Variants in COL18A1 observed in about 807,000 individuals in gnomAD.
The protein encoded by COL18A1 is collagen alpha-1(XVIII) chain.
In COL18A1, 133 loss-of-function variants were observed where a neutral mutation model predicts 168.0. The ratio of observed to expected loss-of-function variants is 0.79; its 90% CI spans 0.69 to 0.91. The LOEUF is 0.91. Ranked by LOEUF, COL18A1 falls within the 40% of genes least tolerant of loss-of-function variation. COL18A1 has a pLI of 0.00. For synonymous variants in COL18A1, 949 were observed against 809.0 expected (o/e 1.17, Z -2.94); for missense variants, 2,126 against 1,925.4 (o/e 1.10, Z -1.95).
intron 28 of COL18A1, 110 bp from the exon 29 acceptor site, chr21:45,495,248 T>A: frequency 1.1e-6 from 1 of 890,662 alleles, no homozygotes; most frequent in Non-Finnish European, 1.8e-6. Flanking sequence ...CGTGTGAGGC[T>A]GAGCGTGGGC....
At chr21:45,501,778 G>GCA (rs1390963973) in intron 32 of COL18A1, among the ~76,000 whole-genome samples, 4 of 67,854 alleles carry the variant, frequency 5.9e-5, no homozygotes, top group Non-Finnish European at 1.5e-4. Context: ...AGGACCCCCA[G>GCA]GGGCTCCACA....
At chr21:45,488,515 G>T in intron 18 of COL18A1, 71 bp downstream of exon 18, 4 of 1,610,534 alleles carry the variant, frequency 2.5e-6, no homozygotes, top group Non-Finnish European at 2.5e-6. Context: ...GGGGCTGGGG[G>T]AGACAGGGCC....
chr21:45,438,340 T>A lies in COL18A1; in HGVS notation c.107-29902T>A, dbSNP rs202219683. ...GGCACTCTCCTGCACACACACACACTCACACACTCAGACACACAGGCACTC... is the reference window on the plus strand; with the variant it reads ...GGCACTCTCCTGCACACACACACACACACACACTCAGACACACAGGCACTC... On this transcript the variant is annotated intron_variant, in intron 2 of 41. Transcript: ENST00000651438. Among the ~76,000 whole-genome samples the A allele has an allele frequency of 7.2e-3, 108 of 14,914 alleles. 1 individual carries two copies. The highest frequency in any genetic ancestry group is 0.04 in the East Asian group (8 of 202). The allele number at this position is 14,914 out of a possible 152,430, so 9.8% of individuals were successfully genotyped here.
At chr21:45,447,954 G>T (rs911696515) in intron 2 of COL18A1, among the ~76,000 whole-genome samples, 6 of 152,046 alleles carry the variant, frequency 3.9e-5, no homozygotes, top group African/African-American at 1.4e-4. Context: ...CAGCCTCCTC[G>T]GACTGGAAGG....
At chr21:45,494,416 C>T in intron 26 of COL18A1, 129 bp from the exon 27 acceptor site, 1 of 1,367,526 alleles carries the variant, frequency 7.3e-7, no homozygotes, top group Non-Finnish European at 1.0e-6. Context: ...CCACAGCGGC[C>T]CTTAGGGAGG....
In COL18A1 at chr21:45,425,418, C is replaced by G. The variant is rs1038837959; in HGVS notation, c.106+19945C>G. 5.9e-5 allele frequency among the ~76,000 whole-genome samples: 9 copies of G among 152,222 alleles called. No individual in the cohort carries two copies. The highest frequency in any genetic ancestry group is 1.3e-4 in the Non-Finnish European group (9 of 68,042). On this transcript the variant is annotated intron_variant, in intron 2 of 41. Transcript: ENST00000651438. This position sits in a 1 kb window ranked among gnomAD's most constrained non-coding sequence, Gnocchi z 4.1. ...CAGCGGGTCCCTGGGGTCCCTGCAA[C>G]TGTCCCCCAAGAGGTGTGCATGGAG...
rs376269287 is a variant in COL18A1, at chr21:45,494,845, C to A, written c.2380-17C>A. The A allele has an allele frequency of 3.7e-6, 6 of 1,603,744 alleles. No homozygotes were observed. Among genetic ancestry groups the A allele is most frequent in the Non-Finnish European group, 5.1e-6 (6 of 1,175,536 alleles). Reference sequence around the variant, plus strand: ...CCAGGGTCTGCCCCACTAAGCCTGGCCCCCTTCCTCTTGCAGGGTCCATAC... The same window carrying A: ...CCAGGGTCTGCCCCACTAAGCCTGGACCCCTTCCTCTTGCAGGGTCCATAC... On this transcript the variant is annotated splice_polypyrimidine_tract_variant and intron_variant, in intron 27 of 41. Transcript: ENST00000651438.
At chr21:45,468,193 CT>C (rs1468053191) in intron 2 of COL18A1, 48 bp from the exon 3 acceptor site, 1 of 1,607,548 alleles carries the variant, frequency 6.2e-7, no homozygotes, top group South Asian at 1.1e-5. Context: ...TCGGTGGCCC[CT>C]GGTTCCGTCC....
intron 2 of COL18A1, among the ~76,000 whole-genome samples, chr21:45,464,384 CAT>C (rs2035134029): frequency 6.6e-6 from 1 of 152,202 alleles, no homozygotes; most frequent in South Asian, 2.1e-4. Context: ...TCCAGCCACA[CAT>C]GAGAGGGTGG....
chr21:45,508,702 T>C (rs2037398438), intron 38 of COL18A1, among the ~76,000 whole-genome samples: 1 of 152,188 alleles, frequency 6.6e-6, no homozygotes, highest in Non-Finnish European at 1.5e-5. Context: ...CAGCCCAGTC[T>C]GCTCTCACTC....
intron 9 of COL18A1, 47 bp from the exon 10 acceptor site, chr21:45,479,855 C>A (rs1375180430): frequency 1.2e-6 from 2 of 1,611,784 alleles, no homozygotes; most frequent in South Asian, 2.2e-5. Flanking sequence ...TGGGTGCGGC[C>A]CATGGTGGTG....
intron 2 of COL18A1, among the ~76,000 whole-genome samples, chr21:45,426,867 C>T (rs1043060904): frequency 3.9e-5 from 6 of 152,218 alleles, no homozygotes; most frequent in African/African-American, 1.4e-4. Context: ...GGGACTGATG[C>T]TCCCCGCGGT....
chr21:45,505,302 C>G (rs112155290), intron 35 of COL18A1, 24 bp downstream of exon 35: 1 of 1,604,372 alleles, frequency 6.2e-7, no homozygotes, highest in South Asian at 1.1e-5. Flanking sequence ...GAGTGGGCCC[C>G]GGGCAGAGGC....
chr21:45,415,752 C>T (rs1245962569), intron 2 of COL18A1, among the ~76,000 whole-genome samples: 1 of 152,238 alleles, frequency 6.6e-6, no homozygotes, highest in Non-Finnish European at 1.5e-5. Context: ...CAGAAGCACT[C>T]CCGGAAAGTG....
rs3835286 is a variant in COL18A1, at chr21:45,509,608, G to GC, written c.3495+14dup. The GC allele has an allele frequency of 3.7e-5, 52 of 1,413,560 alleles. No individual in the cohort carries two copies. Among genetic ancestry groups the GC allele is most frequent in the East Asian group, 1.5e-4 (6 of 40,296 alleles). The allele number at this position is 1,413,560 out of a possible 1,614,324, so 87.6% of individuals were successfully genotyped here. Reference sequence around the variant, plus strand: ...CCGCGACTTCCAGCCGGTGGTGAGTGCCCCCCCAAAGTGGGCTTGGCTCCA... The same window carrying GC: ...CCGCGACTTCCAGCCGGTGGTGAGTGCCCCCCCCAAAGTGGGCTTGGCTCCA... On this transcript the variant is annotated splice_region_variant and intron_variant, in intron 39 of 41. Transcript: ENST00000651438.
At chr21:45,453,479 C>G (rs1047427582) in intron 2 of COL18A1, among the ~76,000 whole-genome samples, 1 of 152,200 alleles carries the variant, frequency 6.6e-6, no homozygotes, top group African/African-American at 2.4e-5. Flanking sequence ...AGTAGCCACC[C>G]TTGCCAGGTG....
In COL18A1 at chr21:45,511,275, AGGCGGGCG is replaced by A. The variant is rs112646272; in HGVS notation, c.3809+57_3809+64del. The A allele has an allele frequency of 1.1e-4, 118 of 1,068,400 alleles. No homozygotes were observed. In the African/African-American group the frequency reaches 1.4e-3, roughly 12 times the overall value. 66.2% of individuals were successfully genotyped at this position (1,068,400 alleles called of 1,614,324 possible). A position where few individuals can be genotyped will look rare whatever the true frequency, so the allele number is the denominator to read the frequency against. ...CAGCTCTGAGAGCCCCAGCCAGGGA[AGGCGGGCG>A]GGCGGGCTCCTATCTGCAGTTTCCC... On this transcript the variant is annotated intron_variant, in intron 41 of 41. Transcript: ENST00000651438.
chr21:45,478,240 G>C (rs2145926447), intron 8 of COL18A1, 87 bp from the exon 9 acceptor site: 2 of 1,575,104 alleles, frequency 1.3e-6, no homozygotes, highest in Non-Finnish European at 1.7e-6. Context: ...TGGGGACTTG[G>C]AGCGTGGGGT....
intron 41 of COL18A1, among the ~76,000 whole-genome samples, chr21:45,511,810 G>T (rs569176968): frequency 6.6e-6 from 1 of 152,322 alleles, no homozygotes; most frequent in South Asian, 2.1e-4. Context: ...GAGTGCTGTG[G>T]GCAGGGCTGG....
Sources: gnomAD v4.1 joint callset for allele counts (sites outside exome capture counted in the v4.1 genomes callset) on GRCh38, gnomAD v4.1.1 for gene constraint, Gnocchi (gnomAD v3.1) non-coding constraint, MANE v1.5 for transcripts, NCBI Gene and HGNC (gene_info 2026-07-23, HGNC 2026-07-21) for gene names.